ITGB7: variants seen among roughly 807,000 people sequenced by gnomAD.
ITGB7 encodes the protein integrin subunit beta 7.
ITGB7 carries 55 observed loss-of-function variants against 83.4 expected under a neutral mutation model. The observed-to-expected ratio is 0.66, with a 90% CI of 0.53 to 0.83. ITGB7 has a LOEUF of 0.83. ITGB7 is among the 40% of genes least tolerant of loss of function. ITGB7 has a pLI of 0.00. For missense variants in ITGB7, 921 were observed against 1,046.7 expected, an observed-to-expected ratio of 0.88 and a Z score of 1.66; for synonymous variants, 454 against 423.6, an observed-to-expected ratio of 1.07 and a Z score of -0.88.
At chr12:53,195,986 G>T in intron 7 of ITGB7, 55 bp downstream of exon 7, 1 of 1,594,050 alleles carries the variant, frequency 6.3e-7, no homozygotes, top group Non-Finnish European at 8.6e-7. Context: ...GGGAGTCCTG[G>T]AAGGAAAGAG....
In ITGB7 at chr12:53,196,619, T is replaced by G; in HGVS notation, c.776A>C (p.Glu259Ala). ...QSVSGNLDSP[E>A]GGFDAILQAA... ...CTGCAGAATGGCATCGAAGCCACCTTCAGGCGAGTCCAGATTGCCGGACAC... is the reference window on the plus strand; with the variant it reads ...CTGCAGAATGGCATCGAAGCCACCTGCAGGCGAGTCCAGATTGCCGGACAC... The change falls in exon 6 of 16, where the codon GAA becomes GCA. Residue 259 changes from glutamate (E) to alanine (A), a missense_variant. By Grantham distance (107) the Glu-to-Ala change is moderately radical. Coordinates refer to ENST00000267082, the MANE Select transcript of ITGB7 (RefSeq NM_000889.3). 1.9e-6 allele frequency: 3 copies of G among 1,613,588 alleles called. No individual in the cohort carries two copies. Among genetic ancestry groups the G allele is most frequent in the Non-Finnish European group, 2.5e-6 (3 of 1,179,734 alleles).
At chr12:53,194,475 G>T in intron 9 of ITGB7, 131 bp from the exon 10 acceptor site, 3 of 855,044 alleles carry the variant, frequency 3.5e-6, no homozygotes, top group South Asian at 3.3e-5. Flanking sequence ...CTTCCATTCT[G>T]CCCAGTCGAG....
intron 1 of ITGB7, among the ~76,000 whole-genome samples, chr12:53,204,948 C>T (rs1942400134): frequency 6.6e-6 from 1 of 150,942 alleles, no homozygotes; most frequent in Non-Finnish European, 1.5e-5. Flanking sequence ...CCTCATCCTC[C>T]TGAGTAGCTG....
Position 53,200,356 on chromosome 12 carries a change from C to A in ITGB7, c.88G>T (p.Asp30Tyr). The A allele has an allele frequency of 1.2e-6, 2 of 1,614,180 alleles. No homozygotes were observed. The highest frequency in any genetic ancestry group is 1.7e-6 in the Non-Finnish European group (2 of 1,180,034). The change falls in exon 3 of 16, where the codon GAT becomes TAT. Residue 30 changes from aspartate to tyrosine, a missense_variant. By Grantham distance (160) the Asp-to-Tyr change is radical (BLOSUM62 -3). Coordinates refer to ENST00000267082, the MANE Select transcript of ITGB7 (RefSeq NM_000889.3). ...TGAGGATTCCGCCATTCTGTGGCATCCCCTGTGGATGGGATCTTGGCGTCC... is the reference window on the plus strand; with the variant it reads ...TGAGGATTCCGCCATTCTGTGGCATACCCTGTGGATGGGATCTTGGCGTCC... ...ELDAKIPSTG[D>Y]ATEWRNPHLS...
chr12:53,199,040 C>T (rs1219042270), intron 3 of ITGB7, among the ~76,000 whole-genome samples: 3 of 152,214 alleles, frequency 2.0e-5, no homozygotes, highest in Non-Finnish European at 4.4e-5. Context: ...ATCTACCCTT[C>T]TTGTCCAGTC....
intron 11 of ITGB7, 88 bp downstream of exon 11, chr12:53,193,620 G>C (rs61761309): frequency 8.5e-5 from 99 of 1,164,616 alleles, no homozygotes; most frequent in East Asian, 7.3e-4. Context: ...AGACTCCTGT[G>C]GGGGGGATGG....
intron 11 of ITGB7, 145 bp downstream of exon 11, chr12:53,193,563 G>A: frequency 1.2e-6 from 1 of 805,108 alleles, no homozygotes; most frequent in Non-Finnish European, 2.0e-6. Flanking sequence ...GGACATACAT[G>A]GGAAGCTTCA....
chr12:53,200,484 G>A, intron 2 of ITGB7, 38 bp from the exon 3 acceptor site: 16 of 1,556,676 alleles, frequency 1.0e-5, no homozygotes, highest in Non-Finnish European at 1.3e-5. Flanking sequence ...TGGGTCCTCA[G>A]GGAGGACTCT....
intron 9 of ITGB7, 94 bp downstream of exon 9, chr12:53,195,280 C>A: frequency 1.2e-6 from 1 of 856,558 alleles, no homozygotes; most frequent in Non-Finnish European, 2.0e-6. Context: ...AAAAAGTGAC[C>A]ATTTCCTCTT....
At chr12:53,200,554 A>G in intron 2 of ITGB7, 108 bp from the exon 3 acceptor site, 1 of 829,414 alleles carries the variant, frequency 1.2e-6, no homozygotes, top group Non-Finnish European at 1.9e-6. Context: ...CTGCCCCAAC[A>G]CTTTATCTCC....
intron 3 of ITGB7, among the ~76,000 whole-genome samples, chr12:53,199,848 T>G (rs12232003): frequency 1.3e-5 from 2 of 152,030 alleles, no homozygotes; most frequent in African/African-American, 4.8e-5. Context: ...ACCACCCAGC[T>G]TATGGTATTT....
chr12:53,199,843 C>T (rs1356427389), intron 3 of ITGB7, among the ~76,000 whole-genome samples: 1 of 152,144 alleles, frequency 6.6e-6, no homozygotes, highest in Non-Finnish European at 1.5e-5. Context: ...CTTAAACCAC[C>T]CAGCTTATGG....
intron 1 of ITGB7, 125 bp from the exon 2 acceptor site, chr12:53,201,319 G>A (rs1051379315): frequency 1.3e-5 from 2 of 152,250 alleles, no homozygotes; most frequent in African/African-American, 2.4e-5. Flanking sequence ...AGCAGATGAG[G>A]GAGTGTGTGA....
intron 9 of ITGB7, chr12:53,195,165 C>T (rs1565701970): frequency 5.1e-6 from 3 of 586,034 alleles, no homozygotes; most frequent in Non-Finnish European, 6.1e-6. Context: ...GAGCAGAGCT[C>T]CATGCTGTCT....
intron 3 of ITGB7, among the ~76,000 whole-genome samples, chr12:53,199,456 C>T (rs1339835913): frequency 6.6e-6 from 1 of 152,108 alleles, no homozygotes; most frequent in Non-Finnish European, 1.5e-5. Context: ...CCACCCAAAA[C>T]ACAGACTTAG....
rs1942152022 is a variant in ITGB7 at position 53,196,105 on chromosome 12, A to G, written c.911T>C (p.Phe304Ser). Residue 304 changes from phenylalanine to serine, a missense_variant, in exon 7 of 16, where the codon TTC (phenylalanine) becomes TCC (serine). Phe to Ser is a radical substitution (Grantham distance 155). Coordinates refer to ENST00000267082, the MANE Select transcript of ITGB7 (RefSeq NM_000889.3). ...TAGDGKLGGI[F>S]MPSDGHCHLD... is the part of the protein sequence containing the mutation. ...GTGGCAGTGCCCATCACTGGGCATGAAAATGCCGCCCAACTTCCCGTCCCC... is the reference window on the plus strand; with the variant it reads ...GTGGCAGTGCCCATCACTGGGCATGGAAATGCCGCCCAACTTCCCGTCCCC... The G allele has an allele frequency of 6.2e-7, 1 of 1,614,096 alleles. No homozygotes were observed. Among genetic ancestry groups the G allele is most frequent in the African/African-American group, 1.3e-5 (1 of 74,924 alleles).
Position 53,197,468 on chromosome 12 carries a change from G to C in ITGB7, c.574+25C>G, listed in dbSNP as rs372959538. 1.2e-5 allele frequency: 19 copies of C among 1,613,722 alleles called. No homozygotes were observed. The African/African-American group carries it at 2.4e-4, about 20-fold the overall frequency. On this transcript the variant is annotated intron_variant, in intron 5 of 15. Coordinates refer to ENST00000267082, the MANE Select transcript of ITGB7 (RefSeq NM_000889.3). ...GTGGTTGAATAGGCAAGGGCTAACA[G>C]GGCGGGAGGCAGCGCTCGGCTCACC...
rs1166553966 is a variant in ITGB7, at chr12:53,193,220, C to G, written c.1646G>C (p.Ser549Thr). The G allele has an allele frequency of 6.2e-7, 1 of 1,614,170 alleles. No individual in the cohort carries two copies. Among genetic ancestry groups the G allele is most frequent in the African/African-American group, 1.3e-5 (1 of 75,034 alleles). The change falls in exon 12 of 16, where the codon AGC becomes ACC. Residue 549 changes from serine (S) to threonine (T), a missense_variant. Ser to Thr is a moderately conservative substitution (Grantham distance 58). Transcript: ENST00000267082. ...ATGCCCAGAGCTCTGTCCACTGCAGCTGCAGCGTCCACATTGACAGTGACC... is the reference window on the plus strand; with the variant it reads ...ATGCCCAGAGCTCTGTCCACTGCAGGTGCAGCGTCCACATTGACAGTGACC... ...GKGHCQCGRC[S>T]CSGQSSGHLC...
chr12:53,197,218 G>A, intron 5 of ITGB7: 1 of 574,592 alleles, frequency 1.7e-6, no homozygotes, highest in South Asian at 2.0e-5. Context: ...GGTAGGCCCA[G>A]GGCAGCTGTC....
Sources: gnomAD v4.1 joint callset for allele counts (sites outside exome capture counted in the v4.1 genomes callset) on GRCh38, gnomAD v4.1.1 for gene constraint, MANE v1.5 for transcripts, NCBI Gene and HGNC (gene_info 2026-07-23, HGNC 2026-07-21) for gene names.